SOHLH1: variants seen among roughly 807,000 people sequenced by gnomAD.
The protein encoded by SOHLH1 is spermatogenesis and oogenesis specific basic helix-loop-helix 1.
In SOHLH1, 23 loss-of-function variants were observed where a neutral mutation model predicts 36.2. The ratio of observed to expected loss-of-function variants is 0.64; its 90% confidence interval spans 0.46 to 0.90. SOHLH1 has a LOEUF of 0.90. Among genes scored for constraint, SOHLH1 ranks in the 40% least tolerant of loss-of-function variants. The pLI is 0.00. For missense variants in SOHLH1, 608 were observed against 517.0 expected (o/e 1.18, Z -1.71); for synonymous variants, 289 against 228.3 (o/e 1.27, Z -2.40).
chr9:135,699,545 C>A (rs2131299351), upstream of SOHLH1: 8 of 1,477,838 alleles, frequency 5.4e-6, no homozygotes, highest in East Asian at 2.4e-5. Flanking sequence ...GTGCTCTGCC[C>A]ACCTGCCACG....
At position 135,699,473 on chromosome 9, in the gene SOHLH1, C is replaced by T. The variant is rs117497154; in HGVS notation, c.-6G>A. 1 of 1,611,722 alleles carries T rather than the reference C, an allele frequency of 6.2e-7. No homozygotes were observed. Among genetic ancestry groups the T allele is most frequent in the African/African-American group, 1.3e-5 (1 of 75,020 alleles). Reference sequence around the variant, plus strand: ...TCGGAGCACCGGGACGCCATGAACTCGCAGCTGCGGAGCGACCCCACGCGC... The same window carrying T: ...TCGGAGCACCGGGACGCCATGAACTTGCAGCTGCGGAGCGACCCCACGCGC... On this transcript the variant is annotated 5_prime_UTR_variant, in exon 1 of 8. Coordinates refer to ENST00000425225, the MANE Select transcript of SOHLH1 (RefSeq NM_001101677.2).
intron 7 of SOHLH1, 131 bp downstream of exon 7, chr9:135,694,256 G>A (rs1213432466): frequency 7.8e-6 from 12 of 1,533,604 alleles, no homozygotes; most frequent in Middle Eastern, 1.8e-4. Flanking sequence ...AAGCACCAAC[G>A]GTGGAGAAAA....
At chr9:135,697,667 G>C in intron 3 of SOHLH1, 40 bp from the exon 4 acceptor site, 1 of 1,596,454 alleles carries the variant, frequency 6.3e-7, no homozygotes, top group Non-Finnish European at 8.5e-7. Flanking sequence ...GACAGAGACA[G>C]TCAGCTGAGA....
At chr9:135,699,636 G>A, upstream of SOHLH1, 1 of 714,198 alleles carries the variant, frequency 1.4e-6, no homozygotes. Context: ...CACGCAGCCA[G>A]CCCGGGGCCC....
chr9:135,694,296 CCT>C (rs1408225603), intron 7 of SOHLH1, 89 bp downstream of exon 7: 3 of 1,596,988 alleles, frequency 1.9e-6, no homozygotes, highest in Non-Finnish European at 8.5e-7. Flanking sequence ...CCTGGGGCCC[CCT>C]GACACACGCT....
At chr9:135,697,440 G>C in intron 4 of SOHLH1, 66 bp downstream of exon 4, 1 of 1,583,612 alleles carries the variant, frequency 6.3e-7, no homozygotes, top group Non-Finnish European at 8.6e-7. Flanking sequence ...GACATGCCAG[G>C]GGGCTTTGGG....
chr9:135,696,601 C>G lies in SOHLH1; in HGVS notation c.661+11G>C. Reference sequence around the variant, plus strand: ...GGCCAAAGGCACCCCACATGCACACCCAGGACTCACCTGAGAAAGGGGGCA... The same window carrying G: ...GGCCAAAGGCACCCCACATGCACACGCAGGACTCACCTGAGAAAGGGGGCA... On this transcript the variant is annotated intron_variant, in intron 5 of 7. Transcript: ENST00000425225. The G allele has an allele frequency of 6.2e-7, 1 of 1,611,764 alleles. No individual in the cohort carries two copies.
chr9:135,701,526 C>T (rs1835034566), upstream of SOHLH1, among the ~76,000 whole-genome samples: 1 of 152,234 alleles, frequency 6.6e-6, no homozygotes, highest in African/African-American at 2.4e-5. Flanking sequence ...GAAAGGGGGC[C>T]CGCAGGGGGA....
chr9:135,697,978 CTT>C (rs2307829), intron 3 of SOHLH1, among the ~76,000 whole-genome samples: 129,621 of 151,610 alleles, frequency 0.85, 56,196 homozygotes, highest in East Asian at 0.98. Flanking sequence ...GAGCCTCTCT[CTT>C]GGAGACGTGC....
chr9:135,699,656 G>A (rs1834966658), upstream of SOHLH1: 4 of 650,254 alleles, frequency 6.2e-6, no homozygotes, highest in South Asian at 3.5e-5. Context: ...CACGTGACCC[G>A]CGTTCCTGCA....
chr9:135,694,267 C>T (rs992189759), intron 7 of SOHLH1, 120 bp downstream of exon 7: 20 of 1,551,294 alleles, frequency 1.3e-5, no homozygotes, highest in East Asian at 7.0e-5. Flanking sequence ...GTGGAGAAAA[C>T]GGGGGCTCAG....
intron 5 of SOHLH1, 56 bp downstream of exon 5, chr9:135,696,556 C>A: frequency 1.3e-6 from 2 of 1,592,864 alleles, no homozygotes; most frequent in Admixed American, 1.7e-5. Flanking sequence ...GGCTAAAGCA[C>A]AGCCTGGCGC....
At position 135,693,481 on chromosome 9, in the gene SOHLH1, T is replaced by G; in HGVS notation, c.*116A>C. ...TCTTCTCACAGCCTGTAAGCCTCGC[T>G]CAAATTAGGGTGCAGCTGCAACCCA... is the stretch of plus-strand genomic sequence containing the variant. On this transcript the variant is annotated 3_prime_UTR_variant, in exon 8 of 8. Transcript: ENST00000425225. 2 of 1,371,526 alleles carry G rather than the reference T, an allele frequency of 1.5e-6. No homozygotes were observed. The highest frequency in any genetic ancestry group is 9.7e-7 in the Non-Finnish European group (1 of 1,026,266). The allele number at this position is 1,371,526 out of a possible 1,614,324, so 85.0% of individuals were successfully genotyped here.
Position 135,694,431 on chromosome 9 carries a change from T to A in SOHLH1, c.902A>T (p.Asp301Val). Residue 301 changes from aspartate to valine, a missense_variant, in exon 7 of 8, where the codon GAT becomes GTT. Asp to Val is a radical substitution (Grantham distance 152). Transcript: ENST00000425225. ...AGSALGSDVD[D>V]GTSFLLTAGP... ...AGCAGTCAGCAGGAAGGACGTCCCA[T>A]CGTCCACATCAGACCCCAACGCAGA... 1 of 1,613,132 alleles carries A rather than the reference T, an allele frequency of 6.2e-7. No individual in the cohort carries two copies. The highest frequency in any genetic ancestry group is 1.6e-4 in the Middle Eastern group (1 of 6,062).
chr9:135,697,254 C>G (rs375270896), intron 4 of SOHLH1, among the ~76,000 whole-genome samples: 5 of 152,352 alleles, frequency 3.3e-5, no homozygotes, highest in African/African-American at 1.2e-4. Context: ...GAGATCCTCC[C>G]GGGCACCTCC....
At chr9:135,695,374 T>C (rs2483364) in intron 5 of SOHLH1, 111 bp from the exon 6 acceptor site, 891,906 of 951,014 alleles carry the variant, frequency 0.94, 418,767 homozygotes, top group East Asian at 0.99. Flanking sequence ...GAGCACCTGC[T>C]CTGCTGCCTG....
intron 5 of SOHLH1, among the ~76,000 whole-genome samples, chr9:135,695,626 G>A (rs923223181): frequency 7.9e-5 from 12 of 152,072 alleles, no homozygotes; most frequent in African/African-American, 2.9e-4. Context: ...CTGACTCCTG[G>A]GTTTCCGGAG....
At chr9:135,696,916 GCAC>G in intron 4 of SOHLH1, 111 bp from the exon 5 acceptor site, 2 of 1,195,914 alleles carry the variant, frequency 1.7e-6, no homozygotes, top group South Asian at 2.6e-5. Context: ...GACACCCCAG[GCAC>G]CACCCAGCAT....
chr9:135,702,012 C>T (rs1440946238), upstream of SOHLH1, among the ~76,000 whole-genome samples: 1 of 151,612 alleles, frequency 6.6e-6, no homozygotes, highest in African/African-American at 2.4e-5. Context: ...CTCAGAGGGC[C>T]GCGGCGGGAG....
Sources: allele counts gnomAD v4.1 joint callset (sites outside exome capture counted in the v4.1 genomes callset), GRCh38; gene constraint gnomAD v4.1.1; transcripts MANE v1.5; gene names NCBI Gene and HGNC (gene_info 2026-07-23, HGNC 2026-07-21).